The following ZNF320 variants were observed in gnomAD, a reference collection of about 807,000 sequenced individuals.
ZNF320 encodes the protein zinc finger gene 320.
ZNF320 carries 2 observed loss-of-function variants against 6.8 expected under a neutral mutation model. The observed-to-expected ratio is 0.29, with a 90% CI of 0.12 to 0.93. ZNF320 has a LOEUF of 0.93. Among genes scored for constraint, ZNF320 ranks in the 40% least tolerant of loss-of-function variants. The pLI is 0.55. For synonymous variants in ZNF320, 208 were observed against 203.2 expected (o/e 1.02, Z -0.20); for missense variants, 472 against 611.0 (o/e 0.77, Z 2.40).
rs1190332171 is a variant in ZNF320, at chr19:52,877,976, A to C, written c.*2620T>G. 6.6e-6 allele frequency: 1 copy of C among 152,262 alleles called. No individual in the cohort carries two copies. The highest frequency in any genetic ancestry group is 6.5e-5 in the Admixed American group (1 of 15,274). The allele number at this position is 152,262 out of a possible 1,614,324, so 9.4% of individuals were successfully genotyped here. A position where few individuals can be genotyped will look rare whatever the true frequency, so the allele number is the denominator to read the frequency against. ...AAATGAAAAGTCTCACATATTTATT[A>C]CTGAACCAAGCCAACAAAGGTGTTC... On this transcript the variant is annotated 3_prime_UTR_variant, in exon 6 of 6. Transcript: ENST00000682928.
At chr19:52,873,344 T>C (rs1411306541), downstream of ZNF320, among the ~76,000 whole-genome samples, 3 of 152,248 alleles carry the variant, frequency 2.0e-5, no homozygotes, top group Non-Finnish European at 2.9e-5. Context: ...TTTGTGTCCC[T>C]GGTTAATCAA....
chr19:52,873,702 C>A (rs1197074594), downstream of ZNF320, among the ~76,000 whole-genome samples: 1 of 152,160 alleles, frequency 6.6e-6, no homozygotes, highest in African/African-American at 2.4e-5. Context: ...TTGAACAAAC[C>A]CTGCTGCCCA....
At chr19:52,890,484 C>G in intron 3 of ZNF320, 156 bp from the exon 4 acceptor site, 1 of 621,308 alleles carries the variant, frequency 1.6e-6, no homozygotes, top group East Asian at 3.1e-5. Flanking sequence ...AAAACTCCCA[C>G]TACCCTACTG....
At position 52,877,526 on chromosome 19, in the gene ZNF320, T is replaced by A. The variant is rs541170100; in HGVS notation, c.*3070A>T. The A allele has an allele frequency of 6.6e-6, 1 of 152,342 alleles. No homozygotes were observed. The highest frequency in any genetic ancestry group is 1.9e-4 in the East Asian group (1 of 5,182). 9.4% of individuals were successfully genotyped at this position (152,342 alleles called of 1,614,324 possible). A position where few individuals can be genotyped will look rare whatever the true frequency, so the allele number is the denominator to read the frequency against. ...GACTCAGGTGTGCAGAGGGATGGGC[T>A]CTTTCCCACATCTGTGAAGATAAGC... On this transcript the variant is annotated 3_prime_UTR_variant, in exon 6 of 6. Coordinates refer to ENST00000682928, the MANE Select transcript of ZNF320 (RefSeq NM_001351774.2).
At chr19:52,864,999 C>T (rs908744293) in intron 5 of ZNF320, among the ~76,000 whole-genome samples, 3 of 151,156 alleles carry the variant, frequency 2.0e-5, no homozygotes, top group African/African-American at 4.9e-5. Context: ...GGTGATAGAG[C>T]GAGACTCCTT....
upstream of ZNF320, among the ~76,000 whole-genome samples, chr19:52,900,181 G>C (rs2064566914): frequency 6.6e-6 from 1 of 152,176 alleles, no homozygotes; most frequent in East Asian, 1.9e-4. Flanking sequence ...GGAATTCCGG[G>C]TGGGCCTCAA....
At chr19:52,897,996 C>T (rs1213897336), upstream of ZNF320, among the ~76,000 whole-genome samples, 3 of 152,216 alleles carry the variant, frequency 2.0e-5, no homozygotes, top group Non-Finnish European at 4.4e-5. Flanking sequence ...AATAGTACCT[C>T]CCTGAGAAGT....
intron 5 of ZNF320, among the ~76,000 whole-genome samples, chr19:52,885,509 G>A (rs1210710657): frequency 1.3e-5 from 2 of 152,086 alleles, no homozygotes; most frequent in African/African-American, 2.4e-5. Context: ...AAGGTCAGGA[G>A]ATCGAGACCA....
chr19:52,863,074 C>T (rs1383533429), exon 6 of ZNF320, among the ~76,000 whole-genome samples: 1 of 152,156 alleles, frequency 6.6e-6, no homozygotes, highest in Non-Finnish European at 1.5e-5. Context: ...ATTCTCCTGC[C>T]TCAACCTTTC....
intron 5 of ZNF320, among the ~76,000 whole-genome samples, chr19:52,868,908 G>A (rs1218343642): frequency 3.0e-4 from 46 of 151,876 alleles, no homozygotes; most frequent in African/African-American, 1.0e-3. Context: ...GGATGAATAA[G>A]GTCTTGACTT....
chr19:52,864,680 T>C (rs1045528263), intron 5 of ZNF320, among the ~76,000 whole-genome samples: 3 of 152,030 alleles, frequency 2.0e-5, no homozygotes, highest in Non-Finnish European at 4.4e-5. Context: ...CAGTGCACTA[T>C]AGCTGGAGCA....
Position 52,879,578 on chromosome 19 carries a change from C to T in ZNF320, c.*1018G>A, listed in dbSNP as rs1001149423. ...TCTCACCCCTTCTATTCAATCAATA[C>T]TGGCTGTCCTAGCTAGAGCAATGAA... On this transcript the variant is annotated 3_prime_UTR_variant, in exon 6 of 6. Coordinates refer to ENST00000682928, the MANE Select transcript of ZNF320 (RefSeq NM_001351774.2). 1 of 152,478 alleles carries T rather than the reference C, an allele frequency of 6.6e-6. No individual in the cohort carries two copies. Among genetic ancestry groups the T allele is most frequent in the African/African-American group, 2.4e-5 (1 of 41,452 alleles). The allele number at this position is 152,478 out of a possible 1,614,324, so 9.4% of individuals were successfully genotyped here. A position where few individuals can be genotyped will look rare whatever the true frequency, so the allele number is the denominator to read the frequency against.
chr19:52,875,388 T>C (rs200573004), downstream of ZNF320, among the ~76,000 whole-genome samples: 1,807 of 150,304 alleles, frequency 0.012, 25 homozygotes, highest in East Asian at 0.057. Context: ...GGGTTAAAGC[T>C]GTGAGATGAG....
chr19:52,881,073 A>G lies in ZNF320; in HGVS notation c.1053T>C (p.His351=). ...KSHLERHRRI[H]TGEKPYKCKV... ...TACATTTGTATGGTTTCTCTCCAGT[A>G]TGAATCCTCCTATGTCTTTCAAGAT... Residue 351 remains histidine (H), a synonymous_variant, in exon 6 of 6, where the codon CAT becomes CAC. Coordinates refer to ENST00000682928, the MANE Select transcript of ZNF320 (RefSeq NM_001351774.2). 6.2e-7 allele frequency: 1 copy of G among 1,614,196 alleles called. No individual in the cohort carries two copies. Among genetic ancestry groups the G allele is most frequent in the Non-Finnish European group, 8.5e-7 (1 of 1,180,032 alleles).
At position 52,881,854 on chromosome 19, in the gene ZNF320, T is replaced by C. The variant is rs1323899494; in HGVS notation, c.272A>G (p.Glu91Gly). ...AAACACAAAGTCATGAATGTCTTTC[T>C]CAATTTCCTGGGAGCAAAATGCTCC... ...HIGAFCSQEI[E>G]KDIHDFVFQW... is the part of the protein sequence containing the mutation. The change falls in exon 6 of 6, where the codon GAG becomes GGG. Residue 91 changes from glutamate to glycine, a missense_variant. Glu to Gly is a moderately conservative substitution (Grantham distance 98). Around this residue, in one of 2 missense-constraint regions of ZNF320, gnomAD observed 462 missense variants for 559.7 expected, o/e 0.83. Transcript: ENST00000682928. 1.9e-6 allele frequency: 3 copies of C among 1,613,814 alleles called. No homozygotes were observed. The highest frequency in any genetic ancestry group is 1.7e-6 in the Non-Finnish European group (2 of 1,179,862).
At chr19:52,903,183 ACTGT>A in the ZNF320 span, among the ~76,000 whole-genome samples, 2 of 152,208 alleles carry the variant, frequency 1.3e-5, no homozygotes, top group Non-Finnish European at 2.9e-5. Flanking sequence ...TTTGGACTAG[ACTGT>A]CTAAGGCTAC....
chr19:52,874,777 A>G (rs1335021773), downstream of ZNF320, among the ~76,000 whole-genome samples: 1 of 152,182 alleles, frequency 6.6e-6, no homozygotes, highest in Non-Finnish European at 1.5e-5. Flanking sequence ...AAAAGTTTCC[A>G]TAGAAAAAAG....
chr19:52,882,060 A>G (rs1047766772), intron 5 of ZNF320, 77 bp from the exon 6 acceptor site: 4 of 1,364,286 alleles, frequency 2.9e-6, no homozygotes, highest in African/African-American at 2.9e-5. Context: ...AATATCACAC[A>G]CACACAAAAA....
chr19:52,869,948 C>T, intron 5 of ZNF320, among the ~76,000 whole-genome samples: 1 of 151,242 alleles, frequency 6.6e-6, no homozygotes, highest in East Asian at 2.0e-4. Flanking sequence ...GATCTCCTGA[C>T]CTCGTGATCC....
Sources: gnomAD v4.1 joint callset for allele counts (sites outside exome capture counted in the v4.1 genomes callset) on GRCh38, gnomAD v4.1.1 for gene constraint, gnomAD v4.1.1 regional missense constraint, MANE v1.5 for transcripts, NCBI Gene and HGNC (gene_info 2026-07-23, HGNC 2026-07-21) for gene names.